The following RBL1 variants were observed in gnomAD, a reference collection of about 807,000 sequenced individuals.
RBL1 encodes the protein retinoblastoma-like protein 1.
Under a neutral mutation model 123.0 loss-of-function variants are expected in RBL1, and 82 were observed. That is an observed-to-expected ratio of 0.67 (90% confidence interval 0.56 to 0.80). The LOEUF (loss-of-function observed/expected upper bound fraction) is 0.80, where lower values mean the gene tolerates loss of function less well. RBL1 is among the 30% of genes least tolerant of loss of function. The probability of loss-of-function intolerance (pLI) is 0.00; values close to 1 mark genes in which losing one functional copy is unlikely to be tolerated. For missense variants in RBL1, 1,171 were observed against 1,299.6 expected (o/e 0.90, Z 1.52); for synonymous variants, 405 against 441.3 (o/e 0.92, Z 1.03).
At chr20:37,068,328 C>T (rs550041508) in intron 2 of RBL1, 142 bp from the exon 3 acceptor site, 47 of 1,271,978 alleles carry the variant, frequency 3.7e-5, no homozygotes, top group Non-Finnish European at 4.9e-5. Context: ...CCCATCTCTA[C>T]AAAAATTTAA....
chr20:37,061,181 G>A lies in RBL1; in HGVS notation c.1172C>T (p.Thr391Ile), dbSNP rs1241599334. 10 of 1,614,004 alleles carry A rather than the reference G, an allele frequency of 6.2e-6. No homozygotes were observed. Among genetic ancestry groups the A allele is most frequent in the Admixed American group, 1.7e-5 (1 of 60,000 alleles). ...EAVITPVASA[T>I]QSVSRLQSIV... ...ACTCTGTAACCGGCTCACACTTTGG[G>A]TGGCTGATGCAACAGGAGTAATGAC... Residue 391 changes from threonine to isoleucine, a missense_variant, in exon 9 of 22, where the codon ACC becomes ATC. Physicochemically the swap from Thr to Ile is moderately conservative, Grantham distance 89. Coordinates refer to ENST00000373664, the MANE Select transcript of RBL1 (RefSeq NM_002895.5).
rs965408801 is a variant in RBL1 at position 37,002,336 on chromosome 20, G to GTTT, written c.3036+1363_3036+1365dup. Among the ~76,000 whole-genome samples the GTTT allele has an allele frequency of 4.4e-3, 338 of 76,346 alleles. 4 individuals are homozygous for GTTT. Among genetic ancestry groups the GTTT allele is most frequent in the Non-Finnish European group, 5.8e-3 (231 of 39,708 alleles). The allele number at this position is 76,346 out of a possible 152,430, so 50.1% of individuals were successfully genotyped here. A position where few individuals can be genotyped will look rare whatever the true frequency, so the allele number is the denominator to read the frequency against. Reference sequence around the variant, plus strand: ...TGAGCCACCGTGCCTAGCCTTATCTGTTTTTTTTTTTTTTTTTTTTTTTTG... The same window carrying GTTT: ...TGAGCCACCGTGCCTAGCCTTATCTGTTTTTTTTTTTTTTTTTTTTTTTTTTTG... On this transcript the variant is annotated intron_variant, in intron 21 of 21. Transcript: ENST00000373664.
In RBL1 at chr20:36,998,924, C is replaced by A. The variant is rs771144496; in HGVS notation, c.3042G>T (p.Leu1014Phe). The change falls in exon 22 of 22, where the codon TTG (leucine) becomes TTT (phenylalanine). Residue 1014 changes from leucine to phenylalanine, a missense_variant. By Grantham distance (22) the Leu-to-Phe change is conservative. Coordinates refer to ENST00000373664, the MANE Select transcript of RBL1 (RefSeq NM_002895.5). Reference sequence around the variant, plus strand: ...GCCTTATCATGTTGTTGATATCTTTCAAACTCTGTGCAGAAATAGAGAACG... The same window carrying A: ...GCCTTATCATGTTGTTGATATCTTTAAAACTCTGTGCAGAAATAGAGAACG... ...YKFNGSPSKS[L>F]KDINNMIRQG... The A allele has an allele frequency of 6.2e-7, 1 of 1,611,076 alleles. No homozygotes were observed. Among genetic ancestry groups the A allele is most frequent in the Non-Finnish European group, 8.5e-7 (1 of 1,178,826 alleles).
intron 2 of RBL1, among the ~76,000 whole-genome samples, chr20:37,069,419 A>G (rs1315722531): frequency 2.7e-5 from 4 of 146,912 alleles, no homozygotes; most frequent in Non-Finnish European, 4.5e-5. Context: ...CCGCCATCCC[A>G]TCTAGGAAGT....
chr20:37,018,922 T>C (rs1014040114), intron 18 of RBL1, among the ~76,000 whole-genome samples: 1 of 152,226 alleles, frequency 6.6e-6, no homozygotes, highest in African/African-American at 2.4e-5. Flanking sequence ...CACTCCAGCC[T>C]GGACAACAGA....
intron 11 of RBL1, among the ~76,000 whole-genome samples, chr20:37,052,387 A>G (rs548126361): frequency 9.9e-4 from 150 of 152,020 alleles, no homozygotes; most frequent in East Asian, 1.5e-3. Context: ...GTGGGAGTGC[A>G]GTGGTGTGAT....
At chr20:37,060,743 A>G (rs2065080474) in intron 9 of RBL1, among the ~76,000 whole-genome samples, 1 of 151,808 alleles carries the variant, frequency 6.6e-6, no homozygotes. Context: ...TGATTGCGGC[A>G]CTGCACTCCA....
At chr20:37,064,231 G>C (rs1467027039) in intron 7 of RBL1, among the ~76,000 whole-genome samples, 1 of 147,790 alleles carries the variant, frequency 6.8e-6, no homozygotes, top group Non-Finnish European at 1.5e-5. Context: ...TCCACCTCCT[G>C]GGTTCAAGCG....
At chr20:37,058,150 A>AAAAAAAAAAAAAAC in intron 9 of RBL1, among the ~76,000 whole-genome samples, 1 of 150,526 alleles carries the variant, frequency 6.6e-6, no homozygotes, top group Admixed American at 6.6e-5. Context: ...CAAAAAAAAA[A>AAAAAAAAAAAAAAC]AAGCCTATTC....
intron 8 of RBL1, 28 bp from the exon 9 acceptor site, chr20:37,061,297 T>C: frequency 6.2e-7 from 1 of 1,601,566 alleles, no homozygotes; most frequent in Non-Finnish European, 8.5e-7. Context: ...TCCGTGAGTT[T>C]TTAAAAGTTA....
At chr20:37,016,392 A>ACAT (rs201207745) in intron 19 of RBL1, among the ~76,000 whole-genome samples, 1,594 of 152,262 alleles carry the variant, frequency 0.01, 25 homozygotes, top group African/African-American at 0.037. Context: ...ACTTATGTAA[A>ACAT]AAGAATTGAG....
intron 14 of RBL1, among the ~76,000 whole-genome samples, chr20:37,039,602 A>G (rs1389341408): frequency 6.6e-6 from 1 of 152,158 alleles, no homozygotes; most frequent in East Asian, 1.9e-4. Context: ...TTCCACCATG[A>G]TCGTGAGGCC....
chr20:37,016,084 G>C (rs1246834110), intron 19 of RBL1, among the ~76,000 whole-genome samples: 1 of 144,796 alleles, frequency 6.9e-6, no homozygotes, highest in East Asian at 2.1e-4. Context: ...CTGGAGTGCA[G>C]TGGTGTGATC....
intron 9 of RBL1, among the ~76,000 whole-genome samples, chr20:37,060,346 A>T (rs557274376): frequency 1.3e-5 from 2 of 152,294 alleles, no homozygotes; most frequent in African/African-American, 2.4e-5. Flanking sequence ...AAAATAAATT[A>T]AAAATAAAGT....
At chr20:37,022,869 T>C in intron 16 of RBL1, 43 bp from the exon 17 acceptor site, 3 of 1,462,336 alleles carry the variant, frequency 2.1e-6, no homozygotes, top group Non-Finnish European at 2.8e-6. Flanking sequence ...ACCAAGTAAA[T>C]CATTTCTCAA....
At position 36,999,485 on chromosome 20, in the gene RBL1, T is replaced by C. The variant is rs565335206; in HGVS notation, c.3037-556A>G. Reference sequence around the variant, plus strand: ...CCTCTCCCTCTCCCTCCTCTCCCTCTCCCTCTCCCCACGGTCTCCCTCTCC... The same window carrying C: ...CCTCTCCCTCTCCCTCCTCTCCCTCCCCCTCTCCCCACGGTCTCCCTCTCC... On this transcript the variant is annotated intron_variant, in intron 21 of 21. Transcript: ENST00000373664. Among the ~76,000 whole-genome samples, 88 of 141,584 alleles carry C rather than the reference T, an allele frequency of 6.2e-4. 1 individual carries two copies. The South Asian group carries it at 0.019, about 31-fold the overall frequency. 92.9% of individuals were successfully genotyped at this position (141,584 alleles called of 152,430 possible). A position where few individuals can be genotyped will look rare whatever the true frequency, so the allele number is the denominator to read the frequency against.
intron 9 of RBL1, among the ~76,000 whole-genome samples, chr20:37,057,905 C>T (rs954186795): frequency 2.0e-5 from 3 of 152,022 alleles, no homozygotes; most frequent in African/African-American, 7.2e-5. Context: ...GTGGGTGGAT[C>T]ACCTGAGGTC....
intron 21 of RBL1, among the ~76,000 whole-genome samples, chr20:37,000,709 C>T (rs1403012608): frequency 8.7e-4 from 109 of 125,318 alleles, no homozygotes; most frequent in Admixed American, 7.7e-3. Flanking sequence ...CCGCCCCGTC[C>T]GGGAGGGAGG....
chr20:37,065,528 C>T (rs1490962619), intron 6 of RBL1, 55 bp from the exon 7 acceptor site: 5 of 1,150,596 alleles, frequency 4.3e-6, no homozygotes, highest in Non-Finnish European at 3.8e-6. Context: ...TTAATACACA[C>T]ACAAACGTGA....
Sources: allele counts gnomAD v4.1 joint callset (sites outside exome capture counted in the v4.1 genomes callset), GRCh38; gene constraint gnomAD v4.1.1; transcripts MANE v1.5; gene names NCBI Gene and HGNC (gene_info 2026-07-23, HGNC 2026-07-21).